Variants in AMOTL1 observed in about 807,000 individuals in gnomAD.
AMOTL1 encodes angiomotin-like protein 1.
Under a neutral mutation model 102.9 loss-of-function variants are expected in AMOTL1, and 45 were observed. The observed-to-expected ratio is 0.44, with a 90% confidence interval of 0.34 to 0.56. The LOEUF (loss-of-function observed/expected upper bound fraction) is 0.56, where lower values mean the gene tolerates loss of function less well. AMOTL1 is among the 20% of genes least tolerant of loss of function. The pLI, the probability that AMOTL1 is intolerant of heterozygous loss-of-function variation, is 0.01. For missense variants in AMOTL1, 1,114 were observed against 1,225.6 expected (o/e 0.91, Z 1.36); for synonymous variants, 481 against 484.7 (o/e 0.99, Z 0.10).
intron 7 of AMOTL1, among the ~76,000 whole-genome samples, chr11:94,853,615 T>A (rs1253326831): frequency 6.6e-6 from 1 of 152,202 alleles, no homozygotes; most frequent in Non-Finnish European, 1.5e-5. Flanking sequence ...TTTATTTACC[T>A]CACTTCCAAT....
chr11:94,723,148 G>A (rs932053330), intron 1 of AMOTL1, among the ~76,000 whole-genome samples: 1 of 152,102 alleles, frequency 6.6e-6, no homozygotes. Context: ...AGAATTACCT[G>A]AGCCTGAGTA....
chr11:94,807,262 C>G (rs1404940089), intron 3 of AMOTL1, among the ~76,000 whole-genome samples: 1 of 152,128 alleles, frequency 6.6e-6, no homozygotes, highest in African/African-American at 2.4e-5. Context: ...TAAGAAAATA[C>G]TGTAAGTTGC....
intron 1 of AMOTL1, among the ~76,000 whole-genome samples, chr11:94,781,685 AT>A (rs1171944529): frequency 6.6e-6 from 1 of 152,014 alleles, no homozygotes; most frequent in Non-Finnish European, 1.5e-5. Flanking sequence ...AAATACAAAA[AT>A]TACCTGGGTG....
At chr11:94,765,975 A>T (rs1014349272), upstream of AMOTL1, among the ~76,000 whole-genome samples, 1 of 152,152 alleles carries the variant, frequency 6.6e-6, no homozygotes, top group Non-Finnish European at 1.5e-5. Flanking sequence ...CCTCTTCTCA[A>T]CTGTGCTTCA....
At chr11:94,810,496 CAAAAAAAA>C (rs5793699) in intron 3 of AMOTL1, among the ~76,000 whole-genome samples, 5 of 133,532 alleles carry the variant, frequency 3.7e-5, no homozygotes, top group Non-Finnish European at 6.3e-5. Context: ...TATTTTAGTC[CAAAAAAAA>C]AAAAAAAAGA....
intron 9 of AMOTL1, among the ~76,000 whole-genome samples, chr11:94,863,320 C>T (rs548389386): frequency 2.7e-5 from 4 of 150,794 alleles, no homozygotes; most frequent in South Asian, 2.1e-4. Flanking sequence ...AGGCGGGGCG[C>T]GGTGGCTCAC....
chr11:94,777,967 G>C (rs183540270), intron 1 of AMOTL1, among the ~76,000 whole-genome samples: 43 of 152,252 alleles, frequency 2.8e-4, no homozygotes, highest in African/African-American at 9.6e-4. Context: ...CTAGGTGTGG[G>C]ATATATATCC....
rs535248546 is a variant in AMOTL1, at chr11:94,803,975, G to T, written c.1121+3664G>T. ...TTTGAAAGATAGCATTGTATCACAA[G>T]CTTTTTTCCACAATCCTTTATTTTT... On this transcript the variant is annotated intron_variant, in intron 3 of 12. Coordinates refer to ENST00000433060, the MANE Select transcript of AMOTL1 (RefSeq NM_130847.3). 5.3e-5 allele frequency among the ~76,000 whole-genome samples: 8 copies of T among 152,176 alleles called. No individual in the cohort carries two copies. The South Asian group carries it at 1.7e-3, about 32-fold the overall frequency.
chr11:94,727,539 G>A (rs1488978562), intron 1 of AMOTL1, among the ~76,000 whole-genome samples: 1 of 152,144 alleles, frequency 6.6e-6, no homozygotes, highest in Non-Finnish European at 1.5e-5. Context: ...TGGGTGGATA[G>A]GTAGCCTTTG....
At chr11:94,780,144 CTT>C (rs1197053373) in intron 1 of AMOTL1, among the ~76,000 whole-genome samples, 6 of 152,114 alleles carry the variant, frequency 3.9e-5, no homozygotes, top group Non-Finnish European at 8.8e-5. Context: ...TTCTTTTCCT[CTT>C]GTTTGTAATG....
At chr11:94,759,921 A>G (rs530377355) in intron 3 of AMOTL1, among the ~76,000 whole-genome samples, 34 of 152,232 alleles carry the variant, frequency 2.2e-4, no homozygotes, top group Admixed American at 4.6e-4. Context: ...GTGGTTCTCA[A>G]AGTGTGGTCC....
chr11:94,833,444 A>G (rs1481391607), intron 6 of AMOTL1, among the ~76,000 whole-genome samples: 10 of 152,218 alleles, frequency 6.6e-5, no homozygotes, highest in African/African-American at 2.2e-4. Context: ...TCCCCCACAT[A>G]TATATGTCAC....
rs1474815332 is a variant in AMOTL1 at position 94,873,434 on chromosome 11, C to G, written c.*2639C>G. 1 of 152,168 alleles carries G rather than the reference C, an allele frequency of 6.6e-6. No individual in the cohort carries two copies. Among genetic ancestry groups the G allele is most frequent in the African/African-American group, 2.4e-5 (1 of 41,416 alleles). 9.4% of individuals were successfully genotyped at this position (152,168 alleles called of 1,614,324 possible). A position where few individuals can be genotyped will look rare whatever the true frequency, so the allele number is the denominator to read the frequency against. On this transcript the variant is annotated 3_prime_UTR_variant, in exon 13 of 13. Transcript: ENST00000433060. ...ATATACTGAGTACCTGCTCTGAGTTCTGGGCAGCTTACAATATCTTAAACA... is the reference window on the plus strand; with the variant it reads ...ATATACTGAGTACCTGCTCTGAGTTGTGGGCAGCTTACAATATCTTAAACA...
At chr11:94,838,907 G>GA (rs10622956) in intron 6 of AMOTL1, among the ~76,000 whole-genome samples, 33,889 of 152,066 alleles carry the variant, frequency 0.22, 4,411 homozygotes, top group Admixed American at 0.42. Flanking sequence ...GACTAGCCCT[G>GA]TGGTTATCCA....
At chr11:94,796,474 G>A (rs528566134) in intron 2 of AMOTL1, among the ~76,000 whole-genome samples, 2 of 152,270 alleles carry the variant, frequency 1.3e-5, no homozygotes, top group South Asian at 4.1e-4. Flanking sequence ...ATCTGGCAGA[G>A]GAAGACAGGT....
chr11:94,843,072 A>G (rs1325405043), intron 6 of AMOTL1, among the ~76,000 whole-genome samples: 1 of 152,246 alleles, frequency 6.6e-6, no homozygotes, highest in Non-Finnish European at 1.5e-5. Context: ...CAGGGACAGC[A>G]GAAAGCTGAA....
At position 94,800,210 on chromosome 11, in the gene AMOTL1, G is replaced by A. The variant is rs746060633; in HGVS notation, c.1020G>A (p.Gly340=). The part of the protein sequence containing the change: ...HGLFYGDQHP[G]MLHEMVKPYP... ...TTTTTTATGGTGACCAGCACCCCGG[G>A]ATGCTCCACGAGATGGTCAAGCCCT... is the stretch of plus-strand genomic sequence containing the variant. Residue 340 remains glycine, a synonymous_variant, in exon 3 of 13, where the codon GGG becomes GGA. Transcript: ENST00000433060. 1.9e-6 allele frequency: 3 copies of A among 1,613,956 alleles called. No individual in the cohort carries two copies. The highest frequency in any genetic ancestry group is 2.5e-6 in the Non-Finnish European group (3 of 1,179,870).
intron 1 of AMOTL1, among the ~76,000 whole-genome samples, chr11:94,778,407 G>A (rs191090585): frequency 2.2e-4 from 33 of 152,240 alleles, no homozygotes; most frequent in African/African-American, 7.7e-4. Flanking sequence ...GAGCTTAATG[G>A]TTAAGACTCC....
chr11:94,739,794 G>C (rs1333269887), intron 2 of AMOTL1, among the ~76,000 whole-genome samples: 1 of 152,194 alleles, frequency 6.6e-6, no homozygotes, highest in Non-Finnish European at 1.5e-5. Context: ...TTAATGCAGA[G>C]CAGTCACAGT....
Sources: gnomAD v4.1 joint callset for allele counts (sites outside exome capture counted in the v4.1 genomes callset) on GRCh38, gnomAD v4.1.1 for gene constraint, MANE v1.5 for transcripts, NCBI Gene and HGNC (gene_info 2026-07-23, HGNC 2026-07-21) for gene names.